Variants in OPTN observed in about 807,000 individuals in gnomAD.
The protein encoded by OPTN is optineurin.
Under a neutral mutation model 70.4 loss-of-function variants are expected in OPTN, and 54 were observed. The ratio of observed to expected loss-of-function variants is 0.77; its 90% CI spans 0.62 to 0.96. OPTN has a LOEUF of 0.96. Among genes scored for constraint, OPTN ranks in the 40% least tolerant of loss-of-function variants. OPTN has a pLI of 0.00. For synonymous variants in OPTN, 256 were observed against 248.5 expected (o/e 1.03, Z -0.28); for missense variants, 624 against 673.2 (o/e 0.93, Z 0.81).
At chr10:13,131,258 C>T (rs970006183) in intron 12 of OPTN, 1 of 152,242 alleles carries the variant, frequency 6.6e-6, no homozygotes, top group Non-Finnish European at 1.5e-5. Flanking sequence ...GGAGTGACAG[C>T]GTCTTTTGTG....
At chr10:13,113,560 C>G (rs1031698597) in intron 5 of OPTN, among the ~76,000 whole-genome samples, 1 of 152,140 alleles carries the variant, frequency 6.6e-6, no homozygotes, top group African/African-American at 2.4e-5. Context: ...CGAGGGGGCC[C>G]TAAGCTCTTG....
At chr10:13,102,686 T>C (rs1312526040) in intron 1 of OPTN, among the ~76,000 whole-genome samples, 1 of 152,130 alleles carries the variant, frequency 6.6e-6, no homozygotes. Flanking sequence ...CTCATGCCTG[T>C]AATCCCAGCA....
chr10:13,111,463 T>C (rs951565391), intron 4 of OPTN, among the ~76,000 whole-genome samples: 4 of 152,078 alleles, frequency 2.6e-5, no homozygotes, highest in Non-Finnish European at 4.4e-5. Flanking sequence ...TTTGGGAGGC[T>C]AGGGTGGGCA....
chr10:13,105,914 A>C (rs1832856291), intron 1 of OPTN, among the ~76,000 whole-genome samples: 1 of 152,092 alleles, frequency 6.6e-6, no homozygotes, highest in Non-Finnish European at 1.5e-5. Context: ...GTCTGAAAAA[A>C]AAAAAAAAGT....
chr10:13,118,944 A>G lies in OPTN; in HGVS notation c.683A>G (p.His228Arg). The change falls in exon 7 of 15, where the codon CAT (histidine) becomes CGT (arginine). Residue 228 changes from histidine (H) to arginine (R), a missense_variant. Physicochemically the swap from His to Arg is conservative, Grantham distance 29 (BLOSUM62 0). Coordinates refer to ENST00000378747, the MANE Select transcript of OPTN (RefSeq NM_001008212.2). ...SADGAKNYFEHEELTVSQLLL... is the reference protein window; with the variant it reads ...SADGAKNYFEREELTVSQLLL... ...GATGGGGCCAAGAATTACTTCGAACATGAGGAGTTAACTGTGAGCCAGCTC... is the reference window on the plus strand; with the variant it reads ...GATGGGGCCAAGAATTACTTCGAACGTGAGGAGTTAACTGTGAGCCAGCTC... The G allele has an allele frequency of 6.2e-7, 1 of 1,614,040 alleles. No individual in the cohort carries two copies. The highest frequency in any genetic ancestry group is 8.5e-7 in the Non-Finnish European group (1 of 1,179,860).
intron 5 of OPTN, among the ~76,000 whole-genome samples, chr10:13,114,043 G>T (rs1225514849): frequency 1.3e-5 from 2 of 151,834 alleles, no homozygotes; most frequent in African/African-American, 4.8e-5. Context: ...CTCCAGCCTG[G>T]GTGACAGAGC....
At chr10:13,109,834 C>CAAAA (rs33911800) in intron 3 of OPTN, among the ~76,000 whole-genome samples, 5 of 84,862 alleles carry the variant, frequency 5.9e-5, no homozygotes, top group Non-Finnish European at 6.7e-5. Flanking sequence ...GACCCTGACT[C>CAAAA]AAAAAAAAAA....
At position 13,107,356 on chromosome 10, in the gene OPTN, C is replaced by T. The variant is rs143254205; in HGVS notation, c.-163-782C>T. 5.6e-3 allele frequency among the ~76,000 whole-genome samples: 824 copies of T among 148,458 alleles called. 10 individuals are homozygous for T. The highest frequency in any genetic ancestry group is 0.02 in the African/African-American group (790 of 40,298). ...CTCCACTGCACTCCAGCCTGGGCAA[C>T]AGAGAGAGACTCTCAAAAAACCAAA... On this transcript the variant is annotated intron_variant, in intron 1 of 14. Transcript: ENST00000378747.
At position 13,132,726 on chromosome 10, in the gene OPTN, C is replaced by T. The variant is rs566151399; in HGVS notation, c.1532+529C>T. 5.9e-5 allele frequency among the ~76,000 whole-genome samples: 9 copies of T among 152,114 alleles called. No homozygotes were observed. The South Asian group carries it at 6.2e-4, about 11-fold the overall frequency. Reference sequence around the variant, plus strand: ...CCAATGACCTATCTTGCCATCGTCACGGATGAAATATTCGTAGCACTTTAA... The same window carrying T: ...CCAATGACCTATCTTGCCATCGTCATGGATGAAATATTCGTAGCACTTTAA... On this transcript the variant is annotated intron_variant, in intron 13 of 14. Coordinates refer to ENST00000378747, the MANE Select transcript of OPTN (RefSeq NM_001008212.2).
At chr10:13,130,318 G>C (rs895013327) in intron 12 of OPTN, among the ~76,000 whole-genome samples, 1 of 150,988 alleles carries the variant, frequency 6.6e-6, no homozygotes, top group Admixed American at 6.6e-5. Context: ...CCAGCTACTC[G>C]GGAGGCTGAG....
At chr10:13,101,683 A>G (rs1832752232) in intron 1 of OPTN, among the ~76,000 whole-genome samples, 1 of 152,158 alleles carries the variant, frequency 6.6e-6, no homozygotes, top group Non-Finnish European at 1.5e-5. Flanking sequence ...CCACTTTGAC[A>G]TGTGTATGAG....
intron 4 of OPTN, among the ~76,000 whole-genome samples, chr10:13,111,632 A>T (rs994631291): frequency 6.6e-6 from 1 of 151,936 alleles, no homozygotes; most frequent in Non-Finnish European, 1.5e-5. Flanking sequence ...CGAGAGGTGG[A>T]GGATGCAGTA....
chr10:13,115,305 TATATA>T (rs769321057), intron 5 of OPTN, among the ~76,000 whole-genome samples: 848 of 80,542 alleles, frequency 0.011, 15 homozygotes, highest in South Asian at 0.033. Flanking sequence ...TAATATATAA[TATATA>T]ATATAACATA....
At position 13,127,826 on chromosome 10, in the gene OPTN, C is replaced by T. The variant is rs367641761; in HGVS notation, c.1324C>T (p.Leu442=). 97 of 1,613,952 alleles carry T rather than the reference C, an allele frequency of 6.0e-5. No homozygotes were observed. The highest frequency in any genetic ancestry group is 7.5e-5 in the Non-Finnish European group (89 of 1,180,010). Residue 442 remains leucine, a synonymous_variant, in exon 12 of 15, where the codon CTG becomes TTG. Coordinates refer to ENST00000378747, the MANE Select transcript of OPTN (RefSeq NM_001008212.2). ...LAEKALASKQ[L]QMDEMKQTIA... ...AGAGAAGGCTCTGGCTTCCAAACAG[C>T]TGCAAATGGATGAAATGAAGCAAAC...
Position 13,136,984 on chromosome 10 carries a change from A to AAC in OPTN, c.*119_*120insCA. On this transcript the variant is annotated 3_prime_UTR_variant, in exon 15 of 15. Transcript: ENST00000378747. ...ATTTTGCCTCATTATTCTTGTTTTA[A>AAC]AAGAAAGAAAACAGGCCGGGCACAG... 2.1e-6 allele frequency: 3 copies of AAC among 1,398,650 alleles called. No homozygotes were observed. Among genetic ancestry groups the AAC allele is most frequent in the Non-Finnish European group, 3.0e-6 (3 of 997,386 alleles). 86.6% of individuals were successfully genotyped at this position (1,398,650 alleles called of 1,614,324 possible).
intron 5 of OPTN, among the ~76,000 whole-genome samples, chr10:13,113,780 G>A (rs1427524486): frequency 3.3e-5 from 5 of 152,154 alleles, no homozygotes; most frequent in East Asian, 3.9e-4. Flanking sequence ...GGGACTGGCC[G>A]GGTGTAATGG....
intron 5 of OPTN, among the ~76,000 whole-genome samples, chr10:13,115,886 T>C (rs748224315): frequency 6.6e-6 from 1 of 151,892 alleles, no homozygotes; most frequent in Admixed American, 6.6e-5. Context: ...TTCTAGCATT[T>C]TGCATTTTAA....
chr10:13,111,844 G>GTTTTTTTTTT (rs34942122), intron 4 of OPTN, among the ~76,000 whole-genome samples: 1 of 87,730 alleles, frequency 1.1e-5, no homozygotes, highest in Non-Finnish European at 2.1e-5. Flanking sequence ...TTTTTTGACT[G>GTTTTTTTTTT]TTTTTTTTTT....
At chr10:13,118,608 T>C (rs1317307241) in intron 6 of OPTN, among the ~76,000 whole-genome samples, 7 of 152,168 alleles carry the variant, frequency 4.6e-5, no homozygotes, top group South Asian at 2.1e-4. Context: ...TTTTGTGGTG[T>C]GGTGTGAGGT....
Sources: allele counts gnomAD v4.1 joint callset (sites outside exome capture counted in the v4.1 genomes callset), GRCh38; gene constraint gnomAD v4.1.1; transcripts MANE v1.5; gene names NCBI Gene and HGNC (gene_info 2026-07-23, HGNC 2026-07-21).